AFG2A: variants seen among roughly 807,000 people sequenced by gnomAD.
AFG2A encodes the protein AAA ATPase AFG2A.
chr4:123,263,895 A>G, the AFG2A span, among the ~76,000 whole-genome samples: 2 of 152,202 alleles, frequency 1.3e-5, no homozygotes, highest in African/African-American at 4.8e-5. Flanking sequence ...TATATGAAAA[A>G]GATACTTACA....
chr4:122,934,620 G>A, the AFG2A span: 1 of 1,613,924 alleles, frequency 6.2e-7, no homozygotes, highest in African/African-American at 1.3e-5. Context: ...ATTCAAAAGA[G>A]CAAGACAACC....
the AFG2A span, among the ~76,000 whole-genome samples, chr4:122,957,121 GAAA>G: frequency 6.6e-6 from 1 of 151,918 alleles, no homozygotes; most frequent in Non-Finnish European, 1.5e-5. Flanking sequence ...AAAAATGGAA[GAAA>G]AAGAAGGATA....
chr4:123,138,842 A>T, the AFG2A span, among the ~76,000 whole-genome samples: 1 of 152,094 alleles, frequency 6.6e-6, no homozygotes, highest in Non-Finnish European at 1.5e-5. Context: ...AATAAGATTT[A>T]CATTTTTTCT....
At chr4:123,203,467 C>T in the AFG2A span, among the ~76,000 whole-genome samples, 3 of 152,278 alleles carry the variant, frequency 2.0e-5, no homozygotes, top group African/African-American at 7.2e-5. Flanking sequence ...GGATTACAGG[C>T]ACCCACCACC....
the AFG2A span, among the ~76,000 whole-genome samples, chr4:123,248,630 G>T: frequency 0.011 from 1,749 of 152,268 alleles, 34 homozygotes; most frequent in African/African-American, 0.039. Flanking sequence ...TTAGGAAAGG[G>T]TTATGAATTG....
chr4:123,072,982 T>C, the AFG2A span, among the ~76,000 whole-genome samples: 1 of 152,120 alleles, frequency 6.6e-6, no homozygotes, highest in Non-Finnish European at 1.5e-5. Context: ...GCTATATGTA[T>C]ACACATAAAA....
the AFG2A span, chr4:122,934,655 T>G: frequency 1.2e-6 from 2 of 1,611,860 alleles, no homozygotes; most frequent in Admixed American, 1.7e-5. Flanking sequence ...TATGACATGA[T>G]AGGAGGATTA....
the AFG2A span, among the ~76,000 whole-genome samples, chr4:122,998,333 T>C: frequency 5.9e-5 from 9 of 152,250 alleles, no homozygotes; most frequent in Non-Finnish European, 1.2e-4. Flanking sequence ...TATTATACTT[T>C]AAGTTTTAGG....
the AFG2A span, chr4:122,947,281 C>T: frequency 6.2e-6 from 10 of 1,612,122 alleles, no homozygotes; most frequent in South Asian, 1.1e-5. Context: ...AAATCGCCCT[C>T]ATGCCTTGGA....
chr4:122,949,178 C>T, the AFG2A span, among the ~76,000 whole-genome samples: 1 of 152,154 alleles, frequency 6.6e-6, no homozygotes, highest in African/African-American at 2.4e-5. Context: ...CTTGTGGGGG[C>T]AGTTAAGATG....
the AFG2A span, among the ~76,000 whole-genome samples, chr4:123,082,568 C>T: frequency 5.1e-5 from 7 of 137,734 alleles, no homozygotes; most frequent in South Asian, 2.2e-4. Context: ...TGATTACTGT[C>T]GCTTTATAGG....
the AFG2A span, among the ~76,000 whole-genome samples, chr4:123,063,160 T>A: frequency 1.3e-5 from 2 of 152,362 alleles, no homozygotes; most frequent in Non-Finnish European, 1.5e-5. Flanking sequence ...GGTATTTTGT[T>A]CATTTTTTTG....
the AFG2A span, among the ~76,000 whole-genome samples, chr4:123,077,377 G>T: frequency 6.6e-6 from 1 of 151,960 alleles, no homozygotes; most frequent in Non-Finnish European, 1.5e-5. Flanking sequence ...ACCACTTACT[G>T]GCTCTGTTAC....
chr4:122,932,147 C>A, the AFG2A span, among the ~76,000 whole-genome samples: 1 of 151,734 alleles, frequency 6.6e-6, no homozygotes, highest in Admixed American at 6.6e-5. Context: ...TGGTGGTGAG[C>A]GCCTGTGTTC....
chr4:123,235,371 C>G, the AFG2A span, among the ~76,000 whole-genome samples: 1 of 152,120 alleles, frequency 6.6e-6, no homozygotes, highest in Non-Finnish European at 1.5e-5. Context: ...ATAGTTTTTA[C>G]TAATATGAAT....
chr4:123,282,838 G>A, the AFG2A span, among the ~76,000 whole-genome samples: 1 of 78,990 alleles, frequency 1.3e-5, no homozygotes, highest in Admixed American at 1.5e-4. Context: ...GGAAAAGAAA[G>A]GAAAGATGAG....
At chr4:123,316,353 T>C in the AFG2A span, 1 of 152,224 alleles carries the variant, frequency 6.6e-6, no homozygotes, top group East Asian at 1.9e-4. Context: ...AATAGCTACA[T>C]GTGGCAAGGG....
the AFG2A span, among the ~76,000 whole-genome samples, chr4:123,134,399 A>G: frequency 4.6e-5 from 7 of 152,166 alleles, no homozygotes; most frequent in Non-Finnish European, 7.3e-5. Flanking sequence ...ATCATCAAAA[A>G]TCAATTGACT....
At chr4:123,158,273 C>G in the AFG2A span, among the ~76,000 whole-genome samples, 2 of 152,162 alleles carry the variant, frequency 1.3e-5, no homozygotes, top group African/African-American at 4.8e-5. Context: ...AAGTTGTGCT[C>G]TATTTCTTTT....
Sources: allele counts gnomAD v4.1 joint callset (sites outside exome capture counted in the v4.1 genomes callset), GRCh38; gene constraint gnomAD v4.1.1; transcripts MANE v1.5; gene names NCBI Gene and HGNC (gene_info 2026-07-23, HGNC 2026-07-21).